PTPRQ: variants seen among roughly 807,000 people sequenced by gnomAD.
The protein encoded by PTPRQ is protein tyrosine phosphatase receptor type Q.
PTPRQ carries 199 observed loss-of-function variants against 246.0 expected under a neutral mutation model. That is an observed-to-expected ratio of 0.81 (90% CI 0.72 to 0.91). The LOEUF is 0.91. PTPRQ is among the 40% of genes least tolerant of loss of function. The probability of loss-of-function intolerance (pLI) is 0.00; values close to 1 mark genes in which losing one functional copy is unlikely to be tolerated. For missense variants in PTPRQ, 2,624 were observed against 2,528.4 expected, an observed-to-expected ratio of 1.04 and a Z score of -0.81; for synonymous variants, 869 against 853.2, an observed-to-expected ratio of 1.02 and a Z score of -0.32.
chr12:80,571,037 T>A (rs1280096530), intron 25 of PTPRQ, among the ~76,000 whole-genome samples: 1 of 152,230 alleles, frequency 6.6e-6, no homozygotes, highest in African/African-American at 2.4e-5. Flanking sequence ...AGCTTTGTTC[T>A]TTTTGCTAAG....
intron 25 of PTPRQ, among the ~76,000 whole-genome samples, chr12:80,557,211 C>T (rs2120901219): frequency 6.6e-6 from 1 of 152,118 alleles, no homozygotes; most frequent in Non-Finnish European, 1.5e-5. Flanking sequence ...TTATCTGTCA[C>T]TTCCCTTATC....
rs202022421 is a variant in PTPRQ at position 80,672,868 on chromosome 12, TA to T, written c.6603-294del. Among the ~76,000 whole-genome samples, 3,654 of 152,132 alleles carry T rather than the reference TA, an allele frequency of 0.024. 130 individuals carry two copies. Among genetic ancestry groups the T allele is most frequent in the African/African-American group, 0.08 (3,308 of 41,508 alleles). ...TGGTATTAAGAATTTTCAATGATTT[TA>T]AAAAAATCTCTATACTTCAACAACA... On this transcript the variant is annotated intron_variant, in intron 42 of 44. Coordinates refer to ENST00000644991, the MANE Select transcript of PTPRQ (RefSeq NM_001145026.2).
rs982229888 is a variant in PTPRQ, at chr12:80,613,553, A to G, written c.4919-39A>G. The G allele has an allele frequency of 3.4e-6, 5 of 1,451,894 alleles. No homozygotes were observed. The African/African-American group carries it at 4.4e-5, about 13-fold the overall frequency. The allele number at this position is 1,451,894 out of a possible 1,614,324, so 89.9% of individuals were successfully genotyped here. A position where few individuals can be genotyped will look rare whatever the true frequency, so the allele number is the denominator to read the frequency against. On this transcript the variant is annotated intron_variant, in intron 28 of 44. Coordinates refer to ENST00000644991, the MANE Select transcript of PTPRQ (RefSeq NM_001145026.2). ...TTTATGTGGAGATAAAAAGGAATAC[A>G]ATATTTTTAAAAATTAATTGTTAAA...
intron 25 of PTPRQ, among the ~76,000 whole-genome samples, chr12:80,555,849 T>G (rs2120896605): frequency 6.6e-6 from 1 of 152,294 alleles, no homozygotes; most frequent in South Asian, 2.1e-4. Flanking sequence ...AATATATACT[T>G]ATTTACTGCT....
chr12:80,520,219 G>A lies in PTPRQ; in HGVS notation c.2678+9776G>A, dbSNP rs142257688. On this transcript the variant is annotated intron_variant, in intron 17 of 44. Transcript: ENST00000644991. ...GTATCTCCCATAATTTCCACATGTT[G>A]TTGGAGGGACTGGTAGGAGATAATT... Among the ~76,000 whole-genome samples, 130 of 152,190 alleles carry A rather than the reference G, an allele frequency of 8.5e-4. 3 individuals carry two copies. Among genetic ancestry groups the A allele is most frequent in the African/African-American group, 3.0e-3 (125 of 41,518 alleles).
intron 27 of PTPRQ, among the ~76,000 whole-genome samples, chr12:80,605,796 A>G (rs1898296417): frequency 1.3e-5 from 2 of 151,142 alleles, no homozygotes; most frequent in Admixed American, 6.6e-5. Context: ...GAGGCTGACT[A>G]TACAACAAGT....
At chr12:80,451,157 T>G (rs1320093237) in intron 3 of PTPRQ, among the ~76,000 whole-genome samples, 1 of 152,178 alleles carries the variant, frequency 6.6e-6, no homozygotes, top group African/African-American at 2.4e-5. Flanking sequence ...TTTTCTAGTT[T>G]ATTTGCATAG....
At chr12:80,588,933 T>C (rs1431913568) in intron 26 of PTPRQ, among the ~76,000 whole-genome samples, 1 of 152,218 alleles carries the variant, frequency 6.6e-6, no homozygotes, top group African/African-American at 2.4e-5. Flanking sequence ...GTTTTTCAAC[T>C]GCACAAAATT....
chr12:80,587,230 TATTA>T (rs1897650201), intron 25 of PTPRQ, among the ~76,000 whole-genome samples: 2 of 152,290 alleles, frequency 1.3e-5, no homozygotes, highest in South Asian at 4.1e-4. Flanking sequence ...TCTAAATATT[TATTA>T]ATTTTCTTAT....
At chr12:80,605,980 G>A (rs1338833799) in intron 27 of PTPRQ, among the ~76,000 whole-genome samples, 2 of 151,026 alleles carry the variant, frequency 1.3e-5, no homozygotes, top group Non-Finnish European at 3.0e-5. Context: ...AAGAACAGAG[G>A]AAATGTAGCA....
At chr12:80,502,168 G>A (rs1296286642) in intron 14 of PTPRQ, among the ~76,000 whole-genome samples, 3 of 151,866 alleles carry the variant, frequency 2.0e-5, no homozygotes, top group Non-Finnish European at 2.9e-5. Context: ...AGACGTGGAG[G>A]GATAGAGCTT....
intron 8 of PTPRQ, among the ~76,000 whole-genome samples, chr12:80,480,818 A>T (rs967199032): frequency 1.3e-4 from 20 of 152,198 alleles, no homozygotes; most frequent in Non-Finnish European, 2.1e-4. Flanking sequence ...CCCAAGACTA[A>T]ACCAGGAAGA....
chr12:80,669,243 C>G, intron 40 of PTPRQ, 96 bp from the exon 41 acceptor site: 2 of 1,527,994 alleles, frequency 1.3e-6, no homozygotes, highest in East Asian at 4.9e-5. Flanking sequence ...ACCTGGACAT[C>G]TATAAAGTAA....
intron 17 of PTPRQ, among the ~76,000 whole-genome samples, chr12:80,515,742 C>CTTTT (rs34385655): frequency 7.3e-6 from 1 of 137,890 alleles, no homozygotes; most frequent in Non-Finnish European, 1.5e-5. Flanking sequence ...CTGAATATTT[C>CTTTT]TTTTTTTTTT....
chr12:80,490,609 A>G (rs1056087320), intron 9 of PTPRQ, among the ~76,000 whole-genome samples: 3 of 151,958 alleles, frequency 2.0e-5, no homozygotes, highest in African/African-American at 7.2e-5. Context: ...CATTGTCACA[A>G]CTGAGGTAGC....
chr12:80,558,805 TTG>T (rs1219054271), intron 25 of PTPRQ, among the ~76,000 whole-genome samples: 1 of 152,196 alleles, frequency 6.6e-6, no homozygotes, highest in African/African-American at 2.4e-5. Flanking sequence ...CATTCTGGTT[TTG>T]TGTTTCCCTG....
At chr12:80,651,212 C>T (rs1565841864) in intron 37 of PTPRQ, among the ~76,000 whole-genome samples, 1 of 151,934 alleles carries the variant, frequency 6.6e-6, no homozygotes. Context: ...ATACTAAGAA[C>T]AGTAGCTGGC....
At chr12:80,624,148 A>G (rs899832671) in intron 33 of PTPRQ, among the ~76,000 whole-genome samples, 3 of 152,178 alleles carry the variant, frequency 2.0e-5, no homozygotes, top group Non-Finnish European at 4.4e-5. Flanking sequence ...AAACAGAAGG[A>G]GTCTACAGTG....
Position 80,670,490 on chromosome 12 carries a change from C to A in PTPRQ, c.6600C>A (p.Cys2200Ter), listed in dbSNP as rs1188924132. 2 of 1,543,340 alleles carry A rather than the reference C, an allele frequency of 1.3e-6. No homozygotes were observed. The highest frequency in any genetic ancestry group is 4.0e-5 in the Admixed American group (2 of 49,620). The change falls in exon 42 of 45, where the codon TGC becomes TGA. Residue 2200 changes from cysteine to a stop codon, truncating the protein, a stop_gained and splice_region_variant. Coordinates refer to ENST00000644991, the MANE Select transcript of PTPRQ (RefSeq NM_001145026.2). LOFTEE classifies it high-confidence loss of function. The stretch of plus-strand genomic sequence containing the variant: ...ACACCACACCTATGATTGTTCACTG[C>A]AGGTGAGAAAGTGATCAGAAATGGC... Reference protein sequence around the residue: ...AHDTTPMIVHCSAGVGRTGVF... With the variant: ...AHDTTPMIVH
Sources: gnomAD v4.1 joint callset for allele counts (sites outside exome capture counted in the v4.1 genomes callset) on GRCh38, gnomAD v4.1.1 for gene constraint, MANE v1.5 for transcripts, NCBI Gene and HGNC (gene_info 2026-07-23, HGNC 2026-07-21) for gene names.